Variants in TCF7L2 observed in about 807,000 individuals in gnomAD.
The protein encoded by TCF7L2 is transcription factor 7-like 2.
A neutral mutation model predicts 77.9 loss-of-function variants in TCF7L2; 23 were observed. That is an observed-to-expected ratio of 0.30 (90% CI 0.21 to 0.42). The LOEUF is 0.42. TCF7L2 is among the 10% of genes least tolerant of loss of function. TCF7L2 has a pLI of 1.00. For synonymous variants in TCF7L2, 413 were observed against 340.2 expected, an observed-to-expected ratio of 1.21 and a Z score of -2.36; for missense variants, 654 against 793.1, an observed-to-expected ratio of 0.82 and a Z score of 2.11.
chr10:113,061,889 G>A (rs766963770), intron 5 of TCF7L2, among the ~76,000 whole-genome samples: 4 of 152,192 alleles, frequency 2.6e-5, no homozygotes, highest in African/African-American at 4.8e-5. Flanking sequence ...GCTAGAAGAT[G>A]TTTCTAAAAG....
intron 4 of TCF7L2, among the ~76,000 whole-genome samples, chr10:113,011,316 G>A (rs926160665): frequency 3.9e-5 from 6 of 152,166 alleles, no homozygotes; most frequent in African/African-American, 9.7e-5. Context: ...GGGGTTAACC[G>A]GAGCCAAGCC....
chr10:113,134,850 G>T (rs928007097), intron 5 of TCF7L2, among the ~76,000 whole-genome samples: 6 of 152,194 alleles, frequency 3.9e-5, no homozygotes, highest in African/African-American at 9.7e-5. Flanking sequence ...AGGGGAAAAG[G>T]CTGACAAATG....
At chr10:113,159,789 C>A in intron 12 of TCF7L2, 131 bp from the exon 14 acceptor site, 1 of 649,208 alleles carries the variant, frequency 1.5e-6, no homozygotes, top group Admixed American at 2.4e-5. Flanking sequence ...TGATTTATTC[C>A]CTTTTTTATT....
intron 7 of TCF7L2, among the ~76,000 whole-genome samples, chr10:113,145,083 C>T (rs143005824): frequency 3.4e-5 from 5 of 149,040 alleles, no homozygotes; most frequent in South Asian, 4.3e-4. Flanking sequence ...CAATTCTACC[C>T]GTATTTCTCT....
intron 4 of TCF7L2, among the ~76,000 whole-genome samples, chr10:112,991,542 G>T (rs903301208): frequency 6.6e-6 from 1 of 150,732 alleles, no homozygotes; most frequent in African/African-American, 2.5e-5. Flanking sequence ...AGAAAGTGGG[G>T]AACCCCTCCC....
At chr10:112,963,552 CATT>C (rs1443590519) in intron 3 of TCF7L2, among the ~76,000 whole-genome samples, 1 of 152,214 alleles carries the variant, frequency 6.6e-6, no homozygotes, top group Non-Finnish European at 1.5e-5. Flanking sequence ...TCTGATTCCT[CATT>C]AGTAGTTCCT....
chr10:113,160,527 A>G lies in TCF7L2; in HGVS notation c.1319-92A>G, dbSNP rs2072992788. 3 of 1,167,770 alleles carry G rather than the reference A, an allele frequency of 2.6e-6. No homozygotes were observed. The Admixed American group carries it at 7.6e-5, about 30-fold the overall frequency. 72.3% of individuals were successfully genotyped at this position (1,167,770 alleles called of 1,614,324 possible). A position where few individuals can be genotyped will look rare whatever the true frequency, so the allele number is the denominator to read the frequency against. Reference sequence around the variant, plus strand: ...TTATCAAATAGAACCAAGGTGATAGAGAAGAAAAGGAAGCTGTAGCTGAGA... The same window carrying G: ...TTATCAAATAGAACCAAGGTGATAGGGAAGAAAAGGAAGCTGTAGCTGAGA... On this transcript the variant is annotated intron_variant, in intron 12 of 13. Coordinates refer to ENST00000627217, the MANE Select transcript of TCF7L2 (RefSeq NM_001146274.2).
intron 11 of TCF7L2, among the ~76,000 whole-genome samples, chr10:113,155,735 C>T (rs1329755355): frequency 6.6e-6 from 1 of 152,204 alleles, no homozygotes; most frequent in Non-Finnish European, 1.5e-5. Context: ...TTTATGAATA[C>T]TTCAGGCTCC....
intron 5 of TCF7L2, among the ~76,000 whole-genome samples, chr10:113,095,550 A>G (rs1416698924): frequency 2.0e-5 from 3 of 152,090 alleles, no homozygotes; most frequent in Non-Finnish European, 4.4e-5. Flanking sequence ...CAGTGAGGTC[A>G]TATTCCCAGT....
intron 5 of TCF7L2, among the ~76,000 whole-genome samples, chr10:113,109,468 A>T (rs890369656): frequency 2.0e-5 from 3 of 152,088 alleles, no homozygotes; most frequent in Admixed American, 1.3e-4. Flanking sequence ...CAAGGCTCAC[A>T]GCAACCTCCC....
At chr10:113,129,571 A>AT (rs1441416117) in intron 5 of TCF7L2, 23 of 1,003,322 alleles carry the variant, frequency 2.3e-5, no homozygotes, top group South Asian at 4.1e-5. Flanking sequence ...TATTTTTAAG[A>AT]TTTTTTTAGG....
At chr10:113,144,069 G>C in intron 7 of TCF7L2, 44 bp downstream of exon 7, 1 of 1,472,732 alleles carries the variant, frequency 6.8e-7, no homozygotes, top group Non-Finnish European at 9.5e-7. Flanking sequence ...TTCTTACATG[G>C]GCATGTTTAT....
rs116219273 is a variant in TCF7L2, at chr10:113,151,585, G to A, written c.1002-140G>A. The A allele has an allele frequency of 1.1e-3, 1,150 of 1,077,334 alleles. 15 individuals are homozygous for A. The African/African-American group carries it at 0.017, about 16-fold the overall frequency. 66.7% of individuals were successfully genotyped at this position (1,077,334 alleles called of 1,614,324 possible). On this transcript the variant is annotated intron_variant, in intron 9 of 13. Coordinates refer to ENST00000627217, the MANE Select transcript of TCF7L2 (RefSeq NM_001146274.2). The surrounding 1 kb of genome is among the most constrained non-coding windows in gnomAD (Gnocchi z 5.2). ...CTATTTTTGTTCCATTTTCCGGGGT[G>A]CAGAAGAACTAAAAGCATGCTTTTT... is the stretch of plus-strand genomic sequence containing the variant.
intron 5 of TCF7L2, among the ~76,000 whole-genome samples, chr10:113,113,963 C>G (rs6585207): frequency 1.3e-5 from 2 of 152,074 alleles, no homozygotes; most frequent in African/African-American, 4.8e-5. Context: ...TGATGGGTTT[C>G]GTTGGACTAT....
At chr10:113,093,985 C>T (rs777010198) in intron 5 of TCF7L2, among the ~76,000 whole-genome samples, 1 of 152,152 alleles carries the variant, frequency 6.6e-6, no homozygotes, top group Non-Finnish European at 1.5e-5. Context: ...GATCAGTGGC[C>T]GGGGATTAGC....
chr10:113,122,479 GTAGTACATTC>G (rs1217302732), intron 5 of TCF7L2, among the ~76,000 whole-genome samples: 1 of 152,180 alleles, frequency 6.6e-6, no homozygotes, highest in Non-Finnish European at 1.5e-5. Context: ...CAGAATCTGT[GTAGTACATTC>G]TCATTCTTAT....
rs1555162917 is a variant in TCF7L2, at chr10:113,166,243, A to AT, written c.*271_*272insT. On this transcript the variant is annotated 3_prime_UTR_variant, in exon 14 of 14. Transcript: ENST00000627217. ...TTTAAAGTCTTTGTAGCGTTTAAAA[A>AT]ATATATATATATACATAACTGTTAT... is the stretch of plus-strand genomic sequence containing the variant. The AT allele has an allele frequency of 3.2e-5, 10 of 313,352 alleles. No homozygotes were observed. The highest frequency in any genetic ancestry group is 4.9e-5 in the East Asian group (1 of 20,390). 19.4% of individuals were successfully genotyped at this position (313,352 alleles called of 1,614,324 possible).
chr10:113,122,380 T>C (rs970702433), intron 5 of TCF7L2, among the ~76,000 whole-genome samples: 8 of 152,268 alleles, frequency 5.3e-5, no homozygotes, highest in African/African-American at 1.4e-4. Context: ...CTTAAACATA[T>C]ATTCCTTGAT....
intron 4 of TCF7L2, among the ~76,000 whole-genome samples, chr10:112,974,221 T>A (rs1209522451): frequency 6.6e-6 from 1 of 152,242 alleles, no homozygotes; most frequent in Non-Finnish European, 1.5e-5. Flanking sequence ...TCATTGTATT[T>A]GTACGAGTTG....
Sources: gnomAD v4.1 joint callset for allele counts (sites outside exome capture counted in the v4.1 genomes callset) on GRCh38, gnomAD v4.1.1 for gene constraint, Gnocchi (gnomAD v3.1) non-coding constraint, MANE v1.5 for transcripts, NCBI Gene and HGNC (gene_info 2026-07-23, HGNC 2026-07-21) for gene names.